The following ACAN variants were observed in gnomAD, a reference collection of about 807,000 sequenced individuals.
ACAN encodes aggrecan.
ACAN carries 47 observed loss-of-function variants against 169.1 expected under a neutral mutation model. The observed-to-expected ratio is 0.28, with a 90% CI of 0.22 to 0.35. The LOEUF is 0.35. Ranked by LOEUF, ACAN falls within the 10% of genes least tolerant of loss-of-function variation. ACAN has a pLI of 1.00. For synonymous variants in ACAN, 1,115 were observed against 1,112.2 expected, an observed-to-expected ratio of 1.00 and a Z score of -0.05; for missense variants, 2,716 against 2,759.9, an observed-to-expected ratio of 0.98 and a Z score of 0.36.
At position 88,845,640 on chromosome 15, in the gene ACAN, G is replaced by T. The variant is rs371018764; in HGVS notation, c.1187G>T (p.Ser396Ile). Reference sequence around the variant, plus strand: ...ATCACTGAGGGTGAAGCCCGAGGCAGCGTGATCCTTACCGTAAAGCCCATC... The same window carrying T: ...ATCACTGAGGGTGAAGCCCGAGGCATCGTGATCCTTACCGTAAAGCCCATC... ...RNITEGEARG[S>I]VILTVKPIFE... The change falls in exon 7 of 19, where the codon AGC (serine) becomes ATC (isoleucine). Residue 396 changes from serine (S) to isoleucine (I), a missense_variant. By Grantham distance (142) the Ser-to-Ile change is moderately radical. Coordinates refer to ENST00000560601, the MANE Select transcript of ACAN (RefSeq NM_001369268.1). 6.2e-7 allele frequency: 1 copy of T among 1,613,952 alleles called. No individual in the cohort carries two copies. The highest frequency in any genetic ancestry group is 1.3e-5 in the African/African-American group (1 of 74,956).
chr15:88,871,234 G>A lies in ACAN; in HGVS notation c.7061-148G>A. ...CAGGGACCAGACCAGTTTCCAACCT[G>A]AACTCCTCCAGCTGTGCCTCTCCCT... On this transcript the variant is annotated intron_variant, in intron 14 of 18. Transcript: ENST00000560601. The surrounding 1 kb of genome is among the most constrained non-coding windows in gnomAD (Gnocchi z 7.8). The A allele has an allele frequency of 1.7e-6, 2 of 1,159,030 alleles. No homozygotes were observed. The highest frequency in any genetic ancestry group is 2.4e-6 in the Non-Finnish European group (2 of 827,874). 71.8% of individuals were successfully genotyped at this position (1,159,030 alleles called of 1,614,324 possible).
Position 88,874,045 on chromosome 15 carries a change from C to G in ACAN, c.7630+21C>G, listed in dbSNP as rs369666945. On this transcript the variant is annotated intron_variant, in intron 18 of 18. Coordinates refer to ENST00000560601, the MANE Select transcript of ACAN (RefSeq NM_001369268.1). This position sits in a 1 kb window ranked among gnomAD's most constrained non-coding sequence, Gnocchi z 7.3. ...AGACCGTGAGCATCACCCCGGCCATCTCGCTGAGCACAGGGTTAGATTCTG... is the reference window on the plus strand; with the variant it reads ...AGACCGTGAGCATCACCCCGGCCATGTCGCTGAGCACAGGGTTAGATTCTG... 3.7e-6 allele frequency: 6 copies of G among 1,606,148 alleles called. No individual in the cohort carries two copies. In the South Asian group the frequency reaches 4.4e-5, roughly 12 times the overall value.
Position 88,869,077 on chromosome 15 carries a change from T to G in ACAN, c.7060+748T>G, listed in dbSNP as rs1897326742. On this transcript the variant is annotated intron_variant, in intron 14 of 18. Transcript: ENST00000560601. The surrounding 1 kb of genome is among the most constrained non-coding windows in gnomAD (Gnocchi z 4.2). ...CTGCACCACTTCTACCAAAAGGAGCTGTGCACCAGGAACCCTCCCAGGGAC... is the reference window on the plus strand; with the variant it reads ...CTGCACCACTTCTACCAAAAGGAGCGGTGCACCAGGAACCCTCCCAGGGAC... Among the ~76,000 whole-genome samples the G allele has an allele frequency of 1.3e-5, 2 of 152,164 alleles. No homozygotes were observed. The highest frequency in any genetic ancestry group is 4.8e-5 in the African/African-American group (2 of 41,428).
rs1897030178 is a variant in ACAN at position 88,855,386 on chromosome 15, T to C, written c.2801T>C (p.Val934Ala). The C allele has an allele frequency of 1.9e-6, 3 of 1,613,028 alleles. No homozygotes were observed. The highest frequency in any genetic ancestry group is 1.3e-5 in the African/African-American group (1 of 74,892). The change falls in exon 12 of 19, where the codon GTT becomes GCT. Residue 934 changes from valine to alanine, a missense_variant. Transcript: ENST00000560601. ...ERIEWPSTPT[V>A]GELPSGAEIL... is the part of the protein sequence containing the mutation. ...ATTGAGTGGCCCAGCACTCCTACGG[T>C]TGGTGAACTGCCCTCTGGAGCTGAG...
chr15:88,840,353 G>T (rs544774630), intron 4 of ACAN, among the ~76,000 whole-genome samples, 167 bp downstream of exon 4: 1 of 152,176 alleles, frequency 6.6e-6, no homozygotes, highest in Non-Finnish European at 1.5e-5. Context: ...GCAGCTCAAT[G>T]ACCCATCCCA....
In ACAN at chr15:88,857,603, C is replaced by G; in HGVS notation, c.5018C>G (p.Ser1673Cys). 3.1e-6 allele frequency: 5 copies of G among 1,613,970 alleles called. No individual in the cohort carries two copies. The South Asian group carries it at 5.5e-5, about 18-fold the overall frequency. Residue 1673 changes from serine to cysteine, a missense_variant, in exon 12 of 19, where the codon TCC becomes TGC. Physicochemically the swap from Ser to Cys is moderately radical, Grantham distance 112. Around this residue, in one of 3 missense-constraint regions of ACAN, gnomAD observed 1,389 missense variants for 1,363.7 expected, o/e 1.02. Coordinates refer to ENST00000560601, the MANE Select transcript of ACAN (RefSeq NM_001369268.1). ...ACATTGGTGGAAGTGGTCACAGCCT[C>G]CACTGCAAGTGAACTGGAAGGGAGG... ...DSTLVEVVTASTASELEGRGT... is the reference protein window; with the variant it reads ...DSTLVEVVTACTASELEGRGT...
chr15:88,819,600 CAA>C (rs35471694), intron 1 of ACAN, among the ~76,000 whole-genome samples: 2 of 111,062 alleles, frequency 1.8e-5, no homozygotes, highest in Non-Finnish European at 3.7e-5. Flanking sequence ...CTCGTCTCTA[CAA>C]AAAAAAAAAA....
intron 9 of ACAN, among the ~76,000 whole-genome samples, chr15:88,848,378 A>G (rs990116513): frequency 6.6e-6 from 1 of 152,228 alleles, no homozygotes. Flanking sequence ...ATGCCTGGGC[A>G]CAAATCAAAG....
At chr15:88,832,630 G>C (rs982980427) in intron 1 of ACAN, among the ~76,000 whole-genome samples, 1 of 152,094 alleles carries the variant, frequency 6.6e-6, no homozygotes, top group Admixed American at 6.5e-5. Flanking sequence ...ATGAGGATTC[G>C]GATTGTAGAT....
At position 88,858,846 on chromosome 15, in the gene ACAN, T is replaced by A. The variant is rs1483806499; in HGVS notation, c.6261T>A (p.Pro2087=). 6.2e-7 allele frequency: 1 copy of A among 1,613,444 alleles called. No individual in the cohort carries two copies. Among genetic ancestry groups the A allele is most frequent in the African/African-American group, 1.3e-5 (1 of 74,896 alleles). Residue 2087 remains proline, a synonymous_variant, in exon 12 of 19, where the codon CCT becomes CCA. Coordinates refer to ENST00000560601, the MANE Select transcript of ACAN (RefSeq NM_001369268.1). The surrounding 1 kb of genome is among the most constrained non-coding windows in gnomAD (Gnocchi z 4.0). ...TTAGTGGAGCTACCCCAGTGCTCCCTGGGTCTGGAGTAGAAGTATCATCAG... is the reference window on the plus strand; with the variant it reads ...TTAGTGGAGCTACCCCAGTGCTCCCAGGGTCTGGAGTAGAAGTATCATCAG... The part of the protein sequence containing the change: ...GDISGATPVL[P]GSGVEVSSVP...
intron 1 of ACAN, among the ~76,000 whole-genome samples, chr15:88,835,792 C>T (rs1348815533): frequency 6.6e-6 from 1 of 152,232 alleles, no homozygotes; most frequent in East Asian, 1.9e-4. Context: ...GGAGGACCAT[C>T]TGCTTTATTC....
chr15:88,832,303 T>TA (rs149428400), intron 1 of ACAN, among the ~76,000 whole-genome samples: 11,818 of 137,470 alleles, frequency 0.086, 925 homozygotes, highest in African/African-American at 0.2. Flanking sequence ...GTAGATACCT[T>TA]AAAAAAAAAA....
At chr15:88,846,684 A>G (rs1201141603) in intron 7 of ACAN, among the ~76,000 whole-genome samples, 1 of 152,250 alleles carries the variant, frequency 6.6e-6, no homozygotes, top group Non-Finnish European at 1.5e-5. Flanking sequence ...CACTACTTAC[A>G]TAGCATTGAC....
intron 1 of ACAN, among the ~76,000 whole-genome samples, chr15:88,835,086 C>T (rs1342040398): frequency 6.6e-6 from 1 of 152,210 alleles, no homozygotes; most frequent in African/African-American, 2.4e-5. Context: ...AGGAGAGCTA[C>T]AGCTTCCTAG....
Position 88,843,205 on chromosome 15 carries a change from G to A in ACAN, c.758-150G>A. 1.7e-6 allele frequency: 1 copy of A among 605,704 alleles called. No individual in the cohort carries two copies. Among genetic ancestry groups the A allele is most frequent in the South Asian group, 5.1e-5 (1 of 19,702 alleles). 37.5% of individuals were successfully genotyped at this position (605,704 alleles called of 1,614,324 possible). Reference sequence around the variant, plus strand: ...AAAAGCCCAGAAATAAGCAATGAAGGGCAAGATCTGAGATGCAGACATATG... The same window carrying A: ...AAAAGCCCAGAAATAAGCAATGAAGAGCAAGATCTGAGATGCAGACATATG... On this transcript the variant is annotated intron_variant, in intron 5 of 18. Transcript: ENST00000560601. The surrounding 1 kb of genome is among the most constrained non-coding windows in gnomAD (Gnocchi z 4.0).
chr15:88,871,231 C>T lies in ACAN; in HGVS notation c.7061-151C>T, dbSNP rs1305279756. ...TCCCAGGGACCAGACCAGTTTCCAA[C>T]CTGAACTCCTCCAGCTGTGCCTCTC... On this transcript the variant is annotated intron_variant, in intron 14 of 18. Transcript: ENST00000560601. This position sits in a 1 kb window ranked among gnomAD's most constrained non-coding sequence, Gnocchi z 7.8. The T allele has an allele frequency of 1.8e-5, 20 of 1,139,292 alleles. No homozygotes were observed. Among genetic ancestry groups the T allele is most frequent in the Non-Finnish European group, 2.5e-5 (20 of 810,924 alleles). 70.6% of individuals were successfully genotyped at this position (1,139,292 alleles called of 1,614,324 possible).
intron 4 of ACAN, among the ~76,000 whole-genome samples, chr15:88,840,609 G>C (rs1896628308): frequency 6.6e-6 from 1 of 152,110 alleles, no homozygotes; most frequent in Non-Finnish European, 1.5e-5. Flanking sequence ...GAGGTGCAGA[G>C]CAGTCCAGAT....
chr15:88,854,331 A>G (rs2141600927), intron 11 of ACAN, among the ~76,000 whole-genome samples: 1 of 152,260 alleles, frequency 6.6e-6, no homozygotes, highest in South Asian at 2.1e-4. Context: ...GGGTGAGGTC[A>G]TCAGTGGGGC....
At chr15:88,809,122 A>C (rs545848482) in intron 1 of ACAN, among the ~76,000 whole-genome samples, 1 of 152,328 alleles carries the variant, frequency 6.6e-6, no homozygotes, top group African/African-American at 2.4e-5. Context: ...GGCAACTGTT[A>C]TTAGTATATT....
Sources: gnomAD v4.1 joint callset for allele counts (sites outside exome capture counted in the v4.1 genomes callset) on GRCh38, gnomAD v4.1.1 for gene constraint, gnomAD v4.1.1 regional missense constraint, Gnocchi (gnomAD v3.1) non-coding constraint, MANE v1.5 for transcripts, NCBI Gene and HGNC (gene_info 2026-07-23, HGNC 2026-07-21) for gene names.